Variants in LTAP1 observed in about 807,000 individuals in gnomAD.
LTAP1 encodes HCV NS5A-transactivated protein 4.
At chr1:154,212,649 A>C in the LTAP1 span, 10 of 1,606,374 alleles carry the variant, frequency 6.2e-6, no homozygotes, top group Middle Eastern at 1.8e-4. Flanking sequence ...GCACAATGAT[A>C]TCTCTTCTCA....
At chr1:154,212,251 C>G in the LTAP1 span, 1 of 1,502,536 alleles carries the variant, frequency 6.7e-7, no homozygotes, top group African/African-American at 1.4e-5. Context: ...TTATGAAGGT[C>G]ACTGCACTGT....
At chr1:154,219,999 A>T in the LTAP1 span, 3 of 1,270,096 alleles carry the variant, frequency 2.4e-6, no homozygotes, top group Admixed American at 2.3e-5. Flanking sequence ...TTTTTTTTTA[A>T]AAAAGCATGC....
the LTAP1 span, chr1:154,212,669 C>CT: frequency 2.6e-4 from 406 of 1,584,046 alleles, no homozygotes; most frequent in East Asian, 2.0e-3. Flanking sequence ...ATTCTTTAGT[C>CT]TTTTTTTTTG....
At chr1:154,215,051 G>T in the LTAP1 span, among the ~76,000 whole-genome samples, 1 of 151,800 alleles carries the variant, frequency 6.6e-6, no homozygotes, top group Non-Finnish European at 1.5e-5. Context: ...CACCATGTTG[G>T]CCAGGCTGGT....
the LTAP1 span, among the ~76,000 whole-genome samples, chr1:154,215,241 G>A: frequency 7.2e-5 from 11 of 151,972 alleles, no homozygotes; most frequent in Admixed American, 3.3e-4. Context: ...TTTTAAAATA[G>A]CCAAGTCAAA....
the LTAP1 span, chr1:154,212,473 G>A: frequency 1.9e-6 from 3 of 1,614,130 alleles, no homozygotes; most frequent in East Asian, 6.7e-5. Flanking sequence ...TCCCATAGCG[G>A]GCTGTTTCAT....
At chr1:154,210,452 CAG>C in the LTAP1 span, among the ~76,000 whole-genome samples, 1 of 152,090 alleles carries the variant, frequency 6.6e-6, no homozygotes, top group Admixed American at 6.6e-5. Flanking sequence ...TAGCAGAAAA[CAG>C]ATTATTTTTA....
At chr1:154,209,812 G>A in the LTAP1 span, among the ~76,000 whole-genome samples, 2 of 151,082 alleles carry the variant, frequency 1.3e-5, no homozygotes, top group Non-Finnish European at 2.9e-5. Flanking sequence ...GGATGTTCCC[G>A]CTCTCCTGAT....
the LTAP1 span, among the ~76,000 whole-genome samples, chr1:154,218,177 CAT>C: frequency 4.5e-4 from 68 of 152,326 alleles, no homozygotes; most frequent in African/African-American, 1.3e-3. Flanking sequence ...TAATCTTGCA[CAT>C]GTTTCTTGGT....
At chr1:154,214,373 A>G in the LTAP1 span, 1 of 864,632 alleles carries the variant, frequency 1.2e-6, no homozygotes, top group African/African-American at 1.7e-5. Flanking sequence ...AGGCTTTGCC[A>G]GCAGCTTTTG....
chr1:154,217,818 A>G, the LTAP1 span, among the ~76,000 whole-genome samples: 2 of 152,046 alleles, frequency 1.3e-5, no homozygotes, highest in Non-Finnish European at 2.9e-5. Flanking sequence ...CCCACTCAGC[A>G]TGTTTTTGAG....
At chr1:154,208,049 G>C in the LTAP1 span, among the ~76,000 whole-genome samples, 46 of 151,776 alleles carry the variant, frequency 3.0e-4, no homozygotes, top group Non-Finnish European at 5.7e-4. Flanking sequence ...TGCAAGCCAA[G>C]ATTGCGCCAC....
chr1:154,213,896 A>G, the LTAP1 span: 1 of 1,612,726 alleles, frequency 6.2e-7, no homozygotes, highest in Admixed American at 1.7e-5. Context: ...CCCTTACCAG[A>G]GGTACGAATG....
chr1:154,220,544 A>G, the LTAP1 span: 11 of 861,836 alleles, frequency 1.3e-5, no homozygotes, highest in East Asian at 2.8e-4. Context: ...ACCAAGCCAG[A>G]CCCGGCCTGA....
the LTAP1 span, chr1:154,207,283 G>A: frequency 1.6e-6 from 1 of 609,472 alleles, no homozygotes; most frequent in Non-Finnish European, 2.9e-6. Context: ...AGGAAGGGTT[G>A]GGGAATTACC....
chr1:154,220,007 T>C, the LTAP1 span: 1 of 1,279,232 alleles, frequency 7.8e-7, no homozygotes. Context: ...TAAAAAAGCA[T>C]GCCTTCATTC....
the LTAP1 span, chr1:154,206,763 C>T: frequency 1.3e-5 from 2 of 159,448 alleles, no homozygotes; most frequent in East Asian, 1.9e-4. Context: ...TTTATAAAGT[C>T]AGACCAGTGC....
chr1:154,209,423 G>GTTT, the LTAP1 span, among the ~76,000 whole-genome samples: 4 of 101,814 alleles, frequency 3.9e-5, no homozygotes, highest in Non-Finnish European at 5.8e-5. Flanking sequence ...GCTCTAAGCA[G>GTTT]TTTTTTTTTT....
At chr1:154,220,171 C>A in the LTAP1 span, 1 of 851,976 alleles carries the variant, frequency 1.2e-6, no homozygotes, top group Non-Finnish European at 1.9e-6. Flanking sequence ...CTAACGAGGG[C>A]GGGTCGGCCC....
Sources: allele counts gnomAD v4.1 joint callset (sites outside exome capture counted in the v4.1 genomes callset), GRCh38; gene constraint gnomAD v4.1.1; transcripts MANE v1.5; gene names NCBI Gene and HGNC (gene_info 2026-07-23, HGNC 2026-07-21).